The following TULP3 variants were observed in gnomAD, a reference collection of about 807,000 sequenced individuals.
TULP3 encodes the protein tubby-related protein 3.
TULP3 carries 38 observed loss-of-function variants against 50.7 expected under a neutral mutation model. The ratio of observed to expected loss-of-function variants is 0.75; its 90% CI spans 0.58 to 0.98. TULP3 has a LOEUF of 0.98. TULP3 is among the 50% of genes least tolerant of loss of function. The pLI is 0.00. For synonymous variants in TULP3, 183 were observed against 196.6 expected (o/e 0.93, Z 0.58); for missense variants, 550 against 568.0 (o/e 0.97, Z 0.32).
In TULP3 at chr12:2,890,952, A is replaced by T; in HGVS notation, c.5A>T (p.Glu2Val). The T allele has an allele frequency of 1.3e-6, 2 of 1,596,426 alleles. No individual in the cohort carries two copies. Among genetic ancestry groups the T allele is most frequent in the Admixed American group, 1.7e-5 (1 of 58,150 alleles). The change falls in exon 1 of 11, where the codon GAG becomes GTG. Residue 2 changes from glutamate (E) to valine (V), a missense_variant. Coordinates refer to ENST00000448120, the MANE Select transcript of TULP3 (RefSeq NM_003324.5). M[E>V]ASRCRLSPSG... ...GGGGCTTCCTCGGTGGCGGGCATGG[A>T]GGCTTCGCGCTGCCGGCTCAGTCCC...
At chr12:2,912,956 C>T (rs891587049) in intron 2 of TULP3, among the ~76,000 whole-genome samples, 1 of 148,922 alleles carries the variant, frequency 6.7e-6, no homozygotes, top group Non-Finnish European at 1.5e-5. Flanking sequence ...CTTGTTCTTT[C>T]CCTTAACACG....
At chr12:2,899,701 G>A (rs1603503895) in intron 1 of TULP3, among the ~76,000 whole-genome samples, 4 of 151,950 alleles carry the variant, frequency 2.6e-5, no homozygotes, top group East Asian at 3.9e-4. Context: ...AGACCATCCT[G>A]GCTAACACAG....
chr12:2,933,360 C>G, intron 6 of TULP3, 58 bp from the exon 7 acceptor site: 1 of 1,045,366 alleles, frequency 9.6e-7, no homozygotes, highest in Non-Finnish European at 1.5e-6. Context: ...CAACCATGAC[C>G]AGAGGTGGGG....
intron 8 of TULP3, 24 bp from the exon 9 acceptor site, chr12:2,937,607 C>A: frequency 6.4e-7 from 1 of 1,559,286 alleles, no homozygotes; most frequent in Non-Finnish European, 8.8e-7. Context: ...TTTCCAAGTT[C>A]TGCTTTGTTT....
At chr12:2,929,252 G>A (rs1005839392) in intron 4 of TULP3, among the ~76,000 whole-genome samples, 93 of 152,074 alleles carry the variant, frequency 6.1e-4, no homozygotes, top group African/African-American at 2.2e-3. Context: ...GGGAGGCGGA[G>A]CTTGCAGTGA....
intron 1 of TULP3, among the ~76,000 whole-genome samples, chr12:2,893,986 A>T (rs1344266591): frequency 6.6e-6 from 1 of 151,928 alleles, no homozygotes; most frequent in Non-Finnish European, 1.5e-5. Flanking sequence ...TTGGAGGTGA[A>T]ATTTGAAACA....
chr12:2,919,114 ACTC>A (rs2098190325), intron 2 of TULP3, among the ~76,000 whole-genome samples: 1 of 150,562 alleles, frequency 6.6e-6, no homozygotes, highest in African/African-American at 2.5e-5. Context: ...GTGGTCTCAA[ACTC>A]CTGACCTCAA....
At chr12:2,897,292 G>A (rs915557550) in intron 1 of TULP3, among the ~76,000 whole-genome samples, 2 of 152,148 alleles carry the variant, frequency 1.3e-5, no homozygotes, top group South Asian at 2.1e-4. Context: ...TTACAGGCAT[G>A]AGCCACTACG....
chr12:2,931,395 T>G (rs1427534175), intron 6 of TULP3, among the ~76,000 whole-genome samples, 155 bp downstream of exon 6: 6 of 152,238 alleles, frequency 3.9e-5, no homozygotes, highest in Non-Finnish European at 8.8e-5. Flanking sequence ...GTTCTCATTT[T>G]CTGCAAAGAG....
chr12:2,895,576 G>T (rs2098175067), intron 1 of TULP3, among the ~76,000 whole-genome samples: 1 of 152,174 alleles, frequency 6.6e-6, no homozygotes, highest in South Asian at 2.1e-4. Context: ...TTTGGACAAG[G>T]TGAACCTATT....
intron 1 of TULP3, among the ~76,000 whole-genome samples, chr12:2,893,060 T>A (rs115457443): frequency 0.012 from 1,810 of 151,892 alleles, 34 homozygotes; most frequent in African/African-American, 0.041. Flanking sequence ...GAGGTGGGGT[T>A]TCGTCATGTT....
Position 2,921,385 on chromosome 12 carries a change from C to T in TULP3, c.253+463C>T, listed in dbSNP as rs181432397. 2.2e-3 allele frequency among the ~76,000 whole-genome samples: 340 copies of T among 152,284 alleles called. 2 individuals are homozygous for T. Among genetic ancestry groups the T allele is most frequent in the African/African-American group, 7.8e-3 (326 of 41,554 alleles). On this transcript the variant is annotated intron_variant, in intron 3 of 10. Coordinates refer to ENST00000448120, the MANE Select transcript of TULP3 (RefSeq NM_003324.5). ...TCGAACTCCTGACCCAGGTGATCCA[C>T]CCGCCTTGGCCTCCCAAAGTGCTGG...
Position 2,890,917 on chromosome 12 carries a change from G to A in TULP3, c.-31G>A, listed in dbSNP as rs1249239208. On this transcript the variant is annotated 5_prime_UTR_variant, in exon 1 of 11. Coordinates refer to ENST00000448120, the MANE Select transcript of TULP3 (RefSeq NM_003324.5). ...CTCTAGCGACGGCGGGGAAGAGTGT[G>A]TACGTGGTGGGGGCTTCCTCGGTGG... is the stretch of plus-strand genomic sequence containing the variant. 6.3e-7 allele frequency: 1 copy of A among 1,583,628 alleles called. No homozygotes were observed. Among genetic ancestry groups the A allele is most frequent in the Non-Finnish European group, 8.6e-7 (1 of 1,165,558 alleles).
Position 2,906,643 on chromosome 12 carries a change from T to TA in TULP3, c.42-2877dup, listed in dbSNP as rs531196089. On this transcript the variant is annotated intron_variant, in intron 1 of 10. Transcript: ENST00000448120. ...TGCGTCTGGCCTAATTTTTTTTAAT[T>TA]AAAAAAAAATGGCTGTAATCTCAGC... is the stretch of plus-strand genomic sequence containing the variant. 4.7e-4 allele frequency among the ~76,000 whole-genome samples: 70 copies of TA among 148,768 alleles called. No individual in the cohort carries two copies. In the South Asian group the frequency reaches 0.01, roughly 22 times the overall value.
In TULP3 at chr12:2,922,264, A is replaced by G. The variant is rs908922013; in HGVS notation, c.256A>G (p.Ile86Val). The G allele has an allele frequency of 4.3e-6, 7 of 1,610,856 alleles. No homozygotes were observed. Among genetic ancestry groups the G allele is most frequent in the Admixed American group, 1.7e-5 (1 of 58,912 alleles). ...TPHSNVILHGIDGPAAVLKPD... is the reference protein window; with the variant it reads ...TPHSNVILHGVDGPAAVLKPD... ...ATTCATTTTATTTTGGCCCTTAGGTATTGATGGTCCAGCTGCTGTCCTGAA... is the reference window on the plus strand; with the variant it reads ...ATTCATTTTATTTTGGCCCTTAGGTGTTGATGGTCCAGCTGCTGTCCTGAA... Residue 86 changes from isoleucine to valine, a missense_variant and splice_region_variant, in exon 4 of 11, where the codon ATT becomes GTT. By Grantham distance (29) the Ile-to-Val change is conservative. Coordinates refer to ENST00000448120, the MANE Select transcript of TULP3 (RefSeq NM_003324.5).
intron 4 of TULP3, among the ~76,000 whole-genome samples, chr12:2,926,212 G>C (rs958882784): frequency 6.6e-6 from 1 of 152,246 alleles, no homozygotes; most frequent in South Asian, 2.1e-4. Context: ...CAATAAAAAG[G>C]GGGGGTGCCA....
intron 1 of TULP3, among the ~76,000 whole-genome samples, chr12:2,894,700 C>A (rs1309626728): frequency 6.6e-6 from 1 of 152,050 alleles, no homozygotes; most frequent in African/African-American, 2.4e-5. Flanking sequence ...TCAAGACCAG[C>A]CCAACCAACA....
At chr12:2,928,641 A>G (rs2098196023) in intron 4 of TULP3, among the ~76,000 whole-genome samples, 1 of 152,098 alleles carries the variant, frequency 6.6e-6, no homozygotes, top group African/African-American at 2.4e-5. Flanking sequence ...ATGCATCGTA[A>G]CATAGAAGTT....
At chr12:2,917,345 ACCT>A (rs2098189182) in intron 2 of TULP3, among the ~76,000 whole-genome samples, 2 of 151,974 alleles carry the variant, frequency 1.3e-5, no homozygotes, top group South Asian at 4.2e-4. Context: ...GGTGGGGTGC[ACCT>A]GTAATCCCCG....
Sources: allele counts gnomAD v4.1 joint callset (sites outside exome capture counted in the v4.1 genomes callset), GRCh38; gene constraint gnomAD v4.1.1; transcripts MANE v1.5; gene names NCBI Gene and HGNC (gene_info 2026-07-23, HGNC 2026-07-21).